Variants in TNFSF4 observed in about 807,000 individuals in gnomAD.
TNFSF4 encodes tumor necrosis factor ligand superfamily member 4.
TNFSF4 carries 4 observed loss-of-function variants against 7.3 expected under a neutral mutation model. The observed-to-expected ratio is 0.55, with a 90% confidence interval of 0.27 to 1.25. The LOEUF (loss-of-function observed/expected upper bound fraction) is 1.25, where lower values mean the gene tolerates loss of function less well. TNFSF4 is among the 50% of genes most tolerant of loss of function. The probability of loss-of-function intolerance (pLI) is 0.12; values close to 1 mark genes in which losing one functional copy is unlikely to be tolerated. For missense variants in TNFSF4, 181 were observed against 208.8 expected, an observed-to-expected ratio of 0.87 and a Z score of 0.82; for synonymous variants, 76 against 83.7, an observed-to-expected ratio of 0.91 and a Z score of 0.50.
intron 1 of TNFSF4, among the ~76,000 whole-genome samples, chr1:173,199,705 T>G (rs1338782799): frequency 2.0e-5 from 3 of 152,234 alleles, no homozygotes; most frequent in African/African-American, 7.2e-5. Flanking sequence ...TCTGTTCCAA[T>G]AGCCCTAAGA....
the TNFSF4 span, among the ~76,000 whole-genome samples, chr1:173,369,833 C>T: frequency 6.6e-6 from 1 of 151,970 alleles, no homozygotes; most frequent in African/African-American, 2.4e-5. Context: ...ACTTTATGTC[C>T]AAGCTTTTTT....
chr1:173,288,471 G>A, the TNFSF4 span, among the ~76,000 whole-genome samples: 1 of 151,942 alleles, frequency 6.6e-6, no homozygotes, highest in African/African-American at 2.4e-5. Context: ...CAAGCAAACA[G>A]AAAATTAGCA....
chr1:173,362,459 T>C, the TNFSF4 span: 2 of 516,914 alleles, frequency 3.9e-6, no homozygotes, highest in African/African-American at 3.9e-5. Flanking sequence ...AATTCCTTCT[T>C]CTGCTTCTCT....
the TNFSF4 span, among the ~76,000 whole-genome samples, chr1:173,421,493 T>G: frequency 6.6e-6 from 1 of 152,120 alleles, no homozygotes; most frequent in African/African-American, 2.4e-5. Flanking sequence ...GTCTAGGGAA[T>G]TATTCTCATC....
chr1:173,200,263 A>C (rs1203047568), intron 1 of TNFSF4, among the ~76,000 whole-genome samples: 1 of 152,242 alleles, frequency 6.6e-6, no homozygotes, highest in Non-Finnish European at 1.5e-5. Context: ...CTTTCTGTGC[A>C]AACCTAGTCA....
At position 173,205,283 on chromosome 1, in the gene TNFSF4, A is replaced by G. The variant is rs115864391; in HGVS notation, c.153+1741T>C. ...TCCATCTCTGTGCCAGGACTATAGA[A>G]GCTAATTCTCCCCTAGAGATCACTC... On this transcript the variant is annotated intron_variant, in intron 1 of 2. Transcript: ENST00000281834. 199 of 1,611,480 alleles carry G rather than the reference A, an allele frequency of 1.2e-4. No homozygotes were observed. The African/African-American group carries it at 2.4e-3, about 19-fold the overall frequency.
the TNFSF4 span, among the ~76,000 whole-genome samples, chr1:173,251,549 G>A: frequency 6.6e-6 from 1 of 152,188 alleles, no homozygotes; most frequent in Non-Finnish European, 1.5e-5. Flanking sequence ...TCTGAAAGGG[G>A]CCAGGGGGAG....
At chr1:173,285,341 G>GT in the TNFSF4 span, among the ~76,000 whole-genome samples, 2 of 152,056 alleles carry the variant, frequency 1.3e-5, no homozygotes, top group Admixed American at 1.3e-4. Context: ...CAAATGAGGT[G>GT]TTTTTTTGAG....
At position 173,184,355 on chromosome 1, in the gene TNFSF4, C is replaced by T. The variant is rs1649134826; in HGVS notation, c.*2161G>A. On this transcript the variant is annotated 3_prime_UTR_variant, in exon 3 of 3. Coordinates refer to ENST00000281834, the MANE Select transcript of TNFSF4 (RefSeq NM_003326.5). ...CATGACTTACAGGGACTGAGACACA[C>T]ACACATATTTTTGATGGAAGGAAGG... The T allele has an allele frequency of 6.6e-6, 1 of 152,204 alleles. No homozygotes were observed. Among genetic ancestry groups the T allele is most frequent in the South Asian group, 2.1e-4 (1 of 4,830 alleles). The allele number at this position is 152,204 out of a possible 1,614,324, so 9.4% of individuals were successfully genotyped here.
chr1:173,264,517 C>A, the TNFSF4 span, among the ~76,000 whole-genome samples: 1 of 152,112 alleles, frequency 6.6e-6, no homozygotes, highest in Non-Finnish European at 1.5e-5. Flanking sequence ...CTAAATCTTA[C>A]ATTCAAGTAT....
At position 173,189,322 on chromosome 1, in the gene TNFSF4, T is replaced by C. The variant is rs1052041438; in HGVS notation, c.154-753A>G. Reference sequence around the variant, plus strand: ...ATGGCCACAGACTCCCAGAATGCACTGGGAGGGAGTTCTGGAAGCTTCCTG... The same window carrying C: ...ATGGCCACAGACTCCCAGAATGCACCGGGAGGGAGTTCTGGAAGCTTCCTG... On this transcript the variant is annotated intron_variant, in intron 1 of 2. Transcript: ENST00000281834. Among the ~76,000 whole-genome samples, 3 of 152,166 alleles carry C rather than the reference T, an allele frequency of 2.0e-5. No homozygotes were observed. The East Asian group carries it at 5.8e-4, about 29-fold the overall frequency.
chr1:173,311,095 T>C, the TNFSF4 span, among the ~76,000 whole-genome samples: 3 of 152,038 alleles, frequency 2.0e-5, no homozygotes, highest in Admixed American at 2.0e-4. Flanking sequence ...AAGCATTTAG[T>C]CCATTTACTT....
the TNFSF4 span, among the ~76,000 whole-genome samples, chr1:173,330,790 T>C: frequency 1.6e-3 from 246 of 152,258 alleles, 1 homozygote; most frequent in South Asian, 7.9e-3. Context: ...ATGTCAAACT[T>C]CAGTATATTC....
chr1:173,421,060 T>C, the TNFSF4 span, among the ~76,000 whole-genome samples: 3 of 152,168 alleles, frequency 2.0e-5, no homozygotes, highest in Admixed American at 1.3e-4. Flanking sequence ...CTAACTGTGG[T>C]ATTATTTTAT....
the TNFSF4 span, among the ~76,000 whole-genome samples, chr1:173,366,433 A>T: frequency 6.6e-6 from 1 of 152,082 alleles, no homozygotes; most frequent in Non-Finnish European, 1.5e-5. Flanking sequence ...ATTCATGGAG[A>T]TAGAGAGTGA....
chr1:173,223,106 T>C, the TNFSF4 span, among the ~76,000 whole-genome samples: 1 of 152,188 alleles, frequency 6.6e-6, no homozygotes, highest in South Asian at 2.1e-4. Context: ...ATGGAAGAAT[T>C]ATGGAAGTAA....
chr1:173,391,669 G>A, the TNFSF4 span, among the ~76,000 whole-genome samples: 1 of 151,732 alleles, frequency 6.6e-6, no homozygotes, highest in Non-Finnish European at 1.5e-5. Context: ...ATTCCTCCTC[G>A]ATCTAAATCA....
chr1:173,415,606 AT>A, the TNFSF4 span, among the ~76,000 whole-genome samples: 1 of 152,214 alleles, frequency 6.6e-6, no homozygotes, highest in Non-Finnish European at 1.5e-5. Flanking sequence ...ACACTGGATA[AT>A]TATCCTGGCC....
the TNFSF4 span, among the ~76,000 whole-genome samples, chr1:173,352,425 A>T: frequency 1.3e-5 from 2 of 152,188 alleles, no homozygotes; most frequent in African/African-American, 4.8e-5. Context: ...AAATAAAGGG[A>T]TAGAGTACAA....
Sources: allele counts gnomAD v4.1 joint callset (sites outside exome capture counted in the v4.1 genomes callset), GRCh38; gene constraint gnomAD v4.1.1; transcripts MANE v1.5; gene names NCBI Gene and HGNC (gene_info 2026-07-23, HGNC 2026-07-21).